Variants in DLGAP2 observed in about 807,000 individuals in gnomAD.
DLGAP2 encodes the protein DLG associated protein 2.
In DLGAP2, 26 loss-of-function variants were observed where a neutral mutation model predicts 100.3. That is an observed-to-expected ratio of 0.26 (90% CI 0.19 to 0.36). The LOEUF is 0.36. Among genes scored for constraint, DLGAP2 ranks in the 10% least tolerant of loss-of-function variants. The pLI is 1.00. For synonymous variants in DLGAP2, 886 were observed against 630.1 expected (o/e 1.41, Z -6.08); for missense variants, 1,858 against 1,453.2 (o/e 1.28, Z -4.53).
chr8:836,831 C>T (rs1030052113), intron 1 of DLGAP2, among the ~76,000 whole-genome samples: 2 of 152,310 alleles, frequency 1.3e-5, no homozygotes, highest in Middle Eastern at 3.4e-3. Context: ...ATCACTTTAC[C>T]GAAGGACCAT....
chr8:743,667 G>A (rs973946666), intron 1 of DLGAP2, among the ~76,000 whole-genome samples: 12 of 152,098 alleles, frequency 7.9e-5, no homozygotes, highest in Non-Finnish European at 1.5e-4. Flanking sequence ...GGGCTCAAGC[G>A]ATCTTCCCAC....
rs532629437 is a variant in DLGAP2, at chr8:905,863, G to A, written c.19-2049G>A. On this transcript the variant is annotated intron_variant, in intron 1 of 14. Coordinates refer to ENST00000637795, the MANE Select transcript of DLGAP2 (RefSeq NM_001346810.2). Reference sequence around the variant, plus strand: ...ACATGCATGTCTTGTGACCTCTCGCGGCCCTTTCCAATACTGTCGCCACTG... The same window carrying A: ...ACATGCATGTCTTGTGACCTCTCGCAGCCCTTTCCAATACTGTCGCCACTG... Among the ~76,000 whole-genome samples the A allele has an allele frequency of 2.3e-3, 313 of 136,462 alleles. 2 individuals carry two copies. In the Middle Eastern group the frequency reaches 0.024, roughly 11 times the overall value. The allele number at this position is 136,462 out of a possible 152,430, so 89.5% of individuals were successfully genotyped here.
intron 1 of DLGAP2, among the ~76,000 whole-genome samples, chr8:895,530 G>C (rs1425611932): frequency 6.6e-6 from 1 of 152,216 alleles, no homozygotes; most frequent in Non-Finnish European, 1.5e-5. Context: ...ACCAGAGCTT[G>C]AGAGGAGGCT....
chr8:1,687,710 G>T (rs1004128213), intron 12 of DLGAP2, among the ~76,000 whole-genome samples: 1 of 152,160 alleles, frequency 6.6e-6, no homozygotes, highest in African/African-American at 2.4e-5. Context: ...GAAGTACTTT[G>T]TATTAACAGT....
intron 1 of DLGAP2, among the ~76,000 whole-genome samples, chr8:808,865 C>A (rs1796317306): frequency 6.7e-6 from 1 of 149,584 alleles, no homozygotes; most frequent in Non-Finnish European, 1.5e-5. Context: ...CCCTTAGGTA[C>A]TTAGTACCTT....
intron 2 of DLGAP2, among the ~76,000 whole-genome samples, chr8:1,007,702 T>C (rs1441149316): frequency 5.3e-5 from 8 of 151,242 alleles, no homozygotes; most frequent in African/African-American, 1.5e-4. Flanking sequence ...GCAGTAGCAA[T>C]ACCTGCCAGC....
At chr8:1,558,422 G>T (rs771157651) in intron 5 of DLGAP2, among the ~76,000 whole-genome samples, 9 of 152,196 alleles carry the variant, frequency 5.9e-5, no homozygotes, top group Non-Finnish European at 7.4e-5. Context: ...CAGGAGGCAG[G>T]AGAAGAGGGA....
intron 1 of DLGAP2, among the ~76,000 whole-genome samples, chr8:871,415 C>G (rs1273387247): frequency 6.6e-6 from 1 of 152,214 alleles, no homozygotes; most frequent in African/African-American, 2.4e-5. Flanking sequence ...ACAGGGTGAT[C>G]CTGCTTCTGA....
At chr8:1,341,838 G>A (rs2117082822) in intron 3 of DLGAP2, among the ~76,000 whole-genome samples, 1 of 152,336 alleles carries the variant, frequency 6.6e-6, no homozygotes, top group East Asian at 1.9e-4. Flanking sequence ...TACAGAACAT[G>A]GACCTGTAGC....
At chr8:1,323,430 G>A (rs1444057744) in intron 3 of DLGAP2, among the ~76,000 whole-genome samples, 5 of 152,330 alleles carry the variant, frequency 3.3e-5, no homozygotes, top group African/African-American at 4.8e-5. Context: ...GGGTGGCCCC[G>A]GTAGTAAGTT....
intron 3 of DLGAP2, among the ~76,000 whole-genome samples, chr8:1,458,351 A>G (rs1370582039): frequency 2.0e-5 from 3 of 152,150 alleles, no homozygotes; most frequent in Non-Finnish European, 2.9e-5. Flanking sequence ...AGTAAGGATA[A>G]AACCTTTTAC....
chr8:1,049,167 T>G (rs1802601422), intron 2 of DLGAP2, among the ~76,000 whole-genome samples: 1 of 152,176 alleles, frequency 6.6e-6, no homozygotes, highest in African/African-American at 2.4e-5. Context: ...TCTCTGAGCC[T>G]CGATTCCACG....
intron 2 of DLGAP2, among the ~76,000 whole-genome samples, chr8:985,465 A>C (rs1463855625): frequency 6.6e-6 from 1 of 152,240 alleles, no homozygotes; most frequent in African/African-American, 2.4e-5. Flanking sequence ...ATGTGCCAGC[A>C]CATCCGTAGT....
chr8:856,524 C>T (rs1009268107), intron 1 of DLGAP2, among the ~76,000 whole-genome samples: 3 of 151,616 alleles, frequency 2.0e-5, no homozygotes, highest in Non-Finnish European at 4.4e-5. Context: ...ACAGTTTTAG[C>T]AGGGTTTTAG....
intron 3 of DLGAP2, among the ~76,000 whole-genome samples, chr8:1,435,416 CA>C (rs1442151046): frequency 6.6e-6 from 1 of 152,102 alleles, no homozygotes; most frequent in African/African-American, 2.4e-5. Flanking sequence ...AGATTATCAT[CA>C]GCTGGAAGAC....
intron 3 of DLGAP2, among the ~76,000 whole-genome samples, chr8:1,316,633 C>T (rs1352132599): frequency 1.4e-5 from 2 of 142,106 alleles, no homozygotes; most frequent in South Asian, 2.3e-4. Context: ...GCGAGTGCAG[C>T]GTCTCTCCAA....
chr8:806,276 G>T (rs1428877542), intron 1 of DLGAP2, among the ~76,000 whole-genome samples: 2 of 152,190 alleles, frequency 1.3e-5, no homozygotes, highest in Non-Finnish European at 2.9e-5. Context: ...CCTCACAGTT[G>T]TCATGGCGCT....
intron 2 of DLGAP2, among the ~76,000 whole-genome samples, chr8:1,106,421 A>G (rs1255663671): frequency 2.7e-5 from 4 of 148,534 alleles, no homozygotes; most frequent in South Asian, 2.1e-4. Context: ...GAAGGGAGCC[A>G]CTCTAGGACG....
chr8:1,345,766 G>T lies in DLGAP2; in HGVS notation c.106+86883G>T, dbSNP rs1474749946. On this transcript the variant is annotated intron_variant, in intron 3 of 14. Transcript: ENST00000637795. Reference sequence around the variant, plus strand: ...AAACACAAGTTATTGAAACTTTCTAGGCTTTTTTTCTTTGATCAGTGTAAT... The same window carrying T: ...AAACACAAGTTATTGAAACTTTCTATGCTTTTTTTCTTTGATCAGTGTAAT... Among the ~76,000 whole-genome samples, 6 of 152,204 alleles carry T rather than the reference G, an allele frequency of 3.9e-5. No individual in the cohort carries two copies. In the East Asian group the frequency reaches 5.8e-4, roughly 15 times the overall value.
Sources: gnomAD v4.1 joint callset for allele counts (sites outside exome capture counted in the v4.1 genomes callset) on GRCh38, gnomAD v4.1.1 for gene constraint, MANE v1.5 for transcripts, NCBI Gene and HGNC (gene_info 2026-07-23, HGNC 2026-07-21) for gene names.